The following DPF3 variants were observed in gnomAD, a reference collection of about 807,000 sequenced individuals.
DPF3 encodes zinc finger protein DPF3.
Under a neutral mutation model 56.8 loss-of-function variants are expected in DPF3, and 18 were observed. The observed-to-expected ratio is 0.32, with a 90% CI of 0.22 to 0.47. The LOEUF (loss-of-function observed/expected upper bound fraction) is 0.47. Among genes scored for constraint, DPF3 ranks in the 20% least tolerant of loss-of-function variants. DPF3 has a pLI of 1.00. For missense variants in DPF3, 403 were observed against 488.8 expected (o/e 0.82, Z 1.65); for synonymous variants, 188 against 180.2 (o/e 1.04, Z -0.35).
At chr14:72,863,142 A>ATGTG (rs1195673764) in intron 1 of DPF3, among the ~76,000 whole-genome samples, 28 of 113,818 alleles carry the variant, frequency 2.5e-4, no homozygotes, top group African/African-American at 8.8e-4. Flanking sequence ...GTGTGTATAT[A>ATGTG]TATATGTGTG....
chr14:72,785,461 T>C (rs957602907), intron 1 of DPF3, among the ~76,000 whole-genome samples: 1 of 152,158 alleles, frequency 6.6e-6, no homozygotes, highest in African/African-American at 2.4e-5. Flanking sequence ...AGAACCTTAC[T>C]CTTGGCCACT....
chr14:72,840,964 G>C lies in DPF3; in HGVS notation c.32+53093C>G, dbSNP rs1294333516. Among the ~76,000 whole-genome samples, 3 of 152,184 alleles carry C rather than the reference G, an allele frequency of 2.0e-5. No homozygotes were observed. In the East Asian group the frequency reaches 5.8e-4, roughly 29 times the overall value. ...AATACAAATTCCCAGGCATGGGTCT[G>C]GCTTCCAAACTCTAGCTCCTCCAGT... On this transcript the variant is annotated intron_variant, in intron 1 of 10. Transcript: ENST00000556509.
rs143475538 is a variant in DPF3, at chr14:72,702,536, G to T, written c.605-9323C>A. On this transcript the variant is annotated intron_variant, in intron 6 of 10. Coordinates refer to ENST00000556509, the MANE Select transcript of DPF3 (RefSeq NM_001280542.3). ...CTGAGTGGAATCCCACATCCTGCCG[G>T]ATACCATTTGGACACATATTCACAC... is the stretch of plus-strand genomic sequence containing the variant. Among the ~76,000 whole-genome samples, 27 of 152,238 alleles carry T rather than the reference G, an allele frequency of 1.8e-4. No homozygotes were observed. In the East Asian group the frequency reaches 5.2e-3, roughly 29 times the overall value.
intron 1 of DPF3, chr14:72,892,573 C>A: frequency 7.7e-7 from 1 of 1,302,038 alleles, no homozygotes; most frequent in Admixed American, 3.7e-5. Flanking sequence ...CATTCCTTTG[C>A]GTTAGGAACC....
At chr14:72,778,603 C>T (rs2139958167) in intron 1 of DPF3, among the ~76,000 whole-genome samples, 1 of 152,280 alleles carries the variant, frequency 6.6e-6, no homozygotes, top group East Asian at 1.9e-4. Context: ...CATCCCCTCC[C>T]CGACCCCAGT....
At chr14:72,831,208 G>A (rs1033878945) in intron 1 of DPF3, among the ~76,000 whole-genome samples, 2 of 152,114 alleles carry the variant, frequency 1.3e-5, no homozygotes, top group African/African-American at 2.4e-5. Flanking sequence ...TCAAGGAAAC[G>A]TGACGCGGGA....
intron 2 of DPF3, among the ~76,000 whole-genome samples, chr14:72,756,814 AAGAAAGAC>A (rs1228418098): frequency 5.5e-4 from 69 of 125,710 alleles, no homozygotes; most frequent in Non-Finnish European, 9.8e-4. Flanking sequence ...CTGTGAAAGA[AAGAAAGAC>A]AGAAAGAAAG....
intron 5 of DPF3, among the ~76,000 whole-genome samples, chr14:72,719,106 G>A (rs1395661806): frequency 8.0e-6 from 1 of 125,774 alleles, no homozygotes; most frequent in Non-Finnish European, 1.6e-5. Flanking sequence ...GTCTCACTCT[G>A]TCACTAGGGC....
chr14:72,634,476 C>T (rs1885331456), intron 8 of DPF3, among the ~76,000 whole-genome samples: 1 of 152,120 alleles, frequency 6.6e-6, no homozygotes, highest in African/African-American at 2.4e-5. Context: ...TTGCCCAGAA[C>T]TAATTCCTAA....
At chr14:72,777,580 A>C (rs947643384) in intron 1 of DPF3, among the ~76,000 whole-genome samples, 10 of 152,176 alleles carry the variant, frequency 6.6e-5, no homozygotes, top group African/African-American at 2.2e-4. Flanking sequence ...CCCAAATCTC[A>C]TGTTGAATTG....
At chr14:72,823,107 G>A (rs917227925) in intron 1 of DPF3, among the ~76,000 whole-genome samples, 1 of 152,164 alleles carries the variant, frequency 6.6e-6, no homozygotes, top group Non-Finnish European at 1.5e-5. Context: ...ATGGGTTGGC[G>A]AGGGAAGGTG....
At chr14:72,824,549 TTC>T (rs1044673727) in intron 1 of DPF3, among the ~76,000 whole-genome samples, 7 of 125,906 alleles carry the variant, frequency 5.6e-5, no homozygotes, top group Admixed American at 1.6e-4. Context: ...CGTTTTCTTT[TTC>T]TTTTTTTTTT....
intron 1 of DPF3, among the ~76,000 whole-genome samples, chr14:72,779,514 T>C (rs1395420614): frequency 6.6e-6 from 1 of 152,212 alleles, no homozygotes; most frequent in East Asian, 1.9e-4. Flanking sequence ...AAACTATGTA[T>C]TGGGGTAAAG....
At chr14:72,866,394 C>T (rs1300903896) in intron 1 of DPF3, among the ~76,000 whole-genome samples, 2 of 150,746 alleles carry the variant, frequency 1.3e-5, no homozygotes, top group Non-Finnish European at 3.0e-5. Flanking sequence ...TCCTTCGTGA[C>T]CTGTCCAGCT....
intron 1 of DPF3, among the ~76,000 whole-genome samples, chr14:72,882,905 G>A (rs12588830): frequency 0.19 from 28,868 of 152,102 alleles, 3,173 homozygotes; most frequent in East Asian, 0.38. Context: ...AAAAACAAGG[G>A]TCTAGGAGAA....
At chr14:72,719,600 C>A (rs1889083122) in intron 5 of DPF3, among the ~76,000 whole-genome samples, 1 of 152,188 alleles carries the variant, frequency 6.6e-6, no homozygotes, top group Admixed American at 6.5e-5. Flanking sequence ...GTAATACTCA[C>A]ATGGATGACT....
intron 1 of DPF3, among the ~76,000 whole-genome samples, chr14:72,889,027 T>C (rs1185877831): frequency 1.3e-5 from 2 of 152,226 alleles, no homozygotes; most frequent in Non-Finnish European, 2.9e-5. Flanking sequence ...TGCATTGATC[T>C]GAACAGATGG....
At chr14:72,721,602 C>T (rs188769388) in intron 5 of DPF3, among the ~76,000 whole-genome samples, 12 of 152,228 alleles carry the variant, frequency 7.9e-5, no homozygotes, top group Non-Finnish European at 1.2e-4. Flanking sequence ...ATCAGGCTGA[C>T]AACACTCAAA....
chr14:72,877,376 C>T (rs1272501221), intron 1 of DPF3, among the ~76,000 whole-genome samples: 1 of 152,074 alleles, frequency 6.6e-6, no homozygotes, highest in East Asian at 1.9e-4. Context: ...AGGAGGCACA[C>T]ACCCAGGACA....
Sources: allele counts gnomAD v4.1 joint callset (sites outside exome capture counted in the v4.1 genomes callset), GRCh38; gene constraint gnomAD v4.1.1; transcripts MANE v1.5; gene names NCBI Gene and HGNC (gene_info 2026-07-23, HGNC 2026-07-21).